The following DUT variants were observed in gnomAD, a reference collection of about 807,000 sequenced individuals.
DUT encodes deoxyuridine 5'-triphosphate nucleotidohydrolase, mitochondrial.
Under a neutral mutation model 28.8 loss-of-function variants are expected in DUT, and 21 were observed. That is an observed-to-expected ratio of 0.73 (90% CI 0.52 to 1.05). The LOEUF is 1.05. Among genes scored for constraint, DUT ranks in the 50% least tolerant of loss-of-function variants. The pLI is 0.00. For missense variants in DUT, 344 were observed against 351.8 expected, an observed-to-expected ratio of 0.98 and a Z score of 0.18; for synonymous variants, 147 against 143.7, an observed-to-expected ratio of 1.02 and a Z score of -0.17.
At chr15:48,335,981 A>G in intron 3 of DUT, 65 bp from the exon 4 acceptor site, 1 of 1,257,118 alleles carries the variant, frequency 8.0e-7, no homozygotes, top group Non-Finnish European at 1.1e-6. Context: ...CTTAAATTGC[A>G]TCAGTTATCT....
chr15:48,340,658 A>G (rs984190162), intron 4 of DUT, among the ~76,000 whole-genome samples: 3 of 152,174 alleles, frequency 2.0e-5, no homozygotes, highest in Non-Finnish European at 2.9e-5. Context: ...TAATTACACA[A>G]AAAAAGTTGT....
chr15:48,336,904 T>G (rs1182872974), intron 4 of DUT, among the ~76,000 whole-genome samples: 7 of 151,846 alleles, frequency 4.6e-5, no homozygotes, highest in Non-Finnish European at 7.4e-5. Flanking sequence ...AAAACTGGAG[T>G]CTCTGTGTGA....
At position 48,342,003 on chromosome 15, in the gene DUT, C is replaced by T. The variant is rs1395708721; in HGVS notation, c.703-19C>T. 4 of 1,561,548 alleles carry T rather than the reference C, an allele frequency of 2.6e-6. No individual in the cohort carries two copies. The highest frequency in any genetic ancestry group is 3.4e-6 in the Non-Finnish European group (4 of 1,161,172). On this transcript the variant is annotated intron_variant, in intron 6 of 6. Coordinates refer to ENST00000331200, the MANE Select transcript of DUT (RefSeq NM_001025248.2). ...CTCTTAAAAAAAACTGTGAAGCTTA[C>T]TACCTTTCTATCTTTCAGGCCTTGG... is the stretch of plus-strand genomic sequence containing the variant.
At chr15:48,336,168 G>C in intron 4 of DUT, 78 bp downstream of exon 4, 1 of 1,225,800 alleles carries the variant, frequency 8.2e-7, no homozygotes, top group Non-Finnish European at 1.1e-6. Context: ...TCAAATGACA[G>C]ATTTTATTTT....
rs1300522459 is a variant in DUT, at chr15:48,331,632, C to A, written c.117C>A (p.Ser39=). 1.3e-6 allele frequency: 2 copies of A among 1,544,666 alleles called. No individual in the cohort carries two copies. Among genetic ancestry groups the A allele is most frequent in the East Asian group, 5.0e-5 (2 of 40,398 alleles). The change falls in exon 1 of 7, where the codon TCC becomes TCA. Residue 39 remains serine, a synonymous_variant. Coordinates refer to ENST00000331200, the MANE Select transcript of DUT (RefSeq NM_001025248.2). ...AGAGGGCCGAAGCCGCGGTACTCTC[C>A]GGGCCAGGCCCGCCCCTCGGCCGCG... ...ARQRAEAAVL[S]GPGPPLGRAA...
At chr15:48,338,480 GA>G (rs899070645) in intron 4 of DUT, among the ~76,000 whole-genome samples, 13 of 151,744 alleles carry the variant, frequency 8.6e-5, no homozygotes, top group Non-Finnish European at 1.6e-4. Flanking sequence ...GAACAAATGA[GA>G]AAAAAACATA....
intron 4 of DUT, among the ~76,000 whole-genome samples, chr15:48,339,233 G>A (rs1448841253): frequency 6.6e-6 from 1 of 152,168 alleles, no homozygotes; most frequent in Non-Finnish European, 1.5e-5. Context: ...AAAGTAGTAT[G>A]TAAGATATAT....
In DUT at chr15:48,334,401, T is replaced by C; in HGVS notation, c.420-16T>C. The C allele has an allele frequency of 6.7e-7, 1 of 1,495,246 alleles. No individual in the cohort carries two copies. The allele number at this position is 1,495,246 out of a possible 1,614,324, so 92.6% of individuals were successfully genotyped here. A position where few individuals can be genotyped will look rare whatever the true frequency, so the allele number is the denominator to read the frequency against. On this transcript the variant is annotated splice_polypyrimidine_tract_variant and intron_variant, in intron 2 of 6. Transcript: ENST00000331200. ...ATAAATAGATTTGCAGTTATTTTCT[T>C]TCAATATTTTCTTAGTGCCTATGAT...
chr15:48,332,000 G>A, intron 1 of DUT: 1 of 918,206 alleles, frequency 1.1e-6, no homozygotes, highest in Non-Finnish European at 1.5e-6. Context: ...TTGGCCCCAC[G>A]CGCTGAATGT....
intron 3 of DUT, among the ~76,000 whole-genome samples, chr15:48,335,510 G>T (rs892898411): frequency 6.6e-6 from 1 of 152,114 alleles, no homozygotes; most frequent in African/African-American, 2.4e-5. Flanking sequence ...ATCATGAATA[G>T]TGGGGTCCCA....
upstream of DUT, chr15:48,331,237 G>A (rs915358085): frequency 6.7e-7 from 1 of 1,483,930 alleles, no homozygotes; most frequent in Non-Finnish European, 8.9e-7. Context: ...TACACTCTCG[G>A]AAAAATGGGG....
chr15:48,334,640 C>T, intron 3 of DUT, 132 bp downstream of exon 3: 1 of 563,940 alleles, frequency 1.8e-6, no homozygotes, highest in East Asian at 2.9e-5. Flanking sequence ...TTTGTGATAG[C>T]AAATGCACTC....
chr15:48,336,136 C>CT, intron 4 of DUT, 46 bp downstream of exon 4: 1 of 1,477,512 alleles, frequency 6.8e-7, no homozygotes, highest in Non-Finnish European at 9.1e-7. Context: ...CAAGTATTTA[C>CT]TTTGTCTTTA....
chr15:48,332,502 G>A, intron 2 of DUT, 96 bp downstream of exon 2: 2 of 1,081,692 alleles, frequency 1.8e-6, no homozygotes, highest in Non-Finnish European at 2.6e-6. Context: ...GAACACACTA[G>A]CTATAAATAG....
At chr15:48,338,186 T>C (rs1398114040) in intron 4 of DUT, among the ~76,000 whole-genome samples, 1 of 152,028 alleles carries the variant, frequency 6.6e-6, no homozygotes, top group East Asian at 1.9e-4. Flanking sequence ...ACCGTCAACA[T>C]TCATGCAAAA....
intron 4 of DUT, among the ~76,000 whole-genome samples, chr15:48,339,611 A>C (rs2042510856): frequency 6.6e-6 from 1 of 152,158 alleles, no homozygotes. Context: ...CATAAATATT[A>C]AGGTGTAAAT....
intron 4 of DUT, among the ~76,000 whole-genome samples, chr15:48,337,296 T>C (rs1485093241): frequency 6.6e-6 from 1 of 152,226 alleles, no homozygotes. Flanking sequence ...CTGTGGTCAT[T>C]TTGGGACAGT....
intron 4 of DUT, among the ~76,000 whole-genome samples, chr15:48,338,747 A>T (rs2042500021): frequency 6.6e-6 from 1 of 152,224 alleles, no homozygotes; most frequent in Non-Finnish European, 1.5e-5. Flanking sequence ...AAAAGCATTC[A>T]TATACAAGGA....
chr15:48,336,657 G>A (rs141963028), intron 4 of DUT, among the ~76,000 whole-genome samples: 1 of 152,214 alleles, frequency 6.6e-6, no homozygotes, highest in Non-Finnish European at 1.5e-5. Context: ...TTCCTGATGT[G>A]GTTTCCTTGT....
Sources: allele counts gnomAD v4.1 joint callset (sites outside exome capture counted in the v4.1 genomes callset), GRCh38; gene constraint gnomAD v4.1.1; transcripts MANE v1.5; gene names NCBI Gene and HGNC (gene_info 2026-07-23, HGNC 2026-07-21).